ANKRD26: variants seen among roughly 807,000 people sequenced by gnomAD.
The protein encoded by ANKRD26 is ankyrin repeat domain 26, also known as ankyrin repeat domain-containing protein 26.
In ANKRD26, 141 loss-of-function variants were observed where a neutral mutation model predicts 208.7. The ratio of observed to expected loss-of-function variants is 0.68; its 90% CI spans 0.59 to 0.78. The LOEUF is 0.78. ANKRD26 is among the 30% of genes least tolerant of loss of function. ANKRD26 has a pLI of 0.00. For synonymous variants in ANKRD26, 636 were observed against 660.4 expected (o/e 0.96, Z 0.57); for missense variants, 1,889 against 1,938.7 (o/e 0.97, Z 0.48).
At chr10:27,087,742 G>A (rs1589369098) in intron 4 of ANKRD26, among the ~76,000 whole-genome samples, 1 of 152,232 alleles carries the variant, frequency 6.6e-6, no homozygotes, top group East Asian at 1.9e-4. Context: ...TTAGAACGGT[G>A]CTTAATCTTC....
At chr10:26,953,898 A>G in the ANKRD26 span, among the ~76,000 whole-genome samples, 2 of 152,228 alleles carry the variant, frequency 1.3e-5, no homozygotes, top group Non-Finnish European at 2.9e-5. Context: ...AGCAGTACAA[A>G]ATTATAACTA....
downstream of ANKRD26, among the ~76,000 whole-genome samples, chr10:27,001,327 T>C (rs529464680): frequency 2.7e-4 from 41 of 152,206 alleles, no homozygotes; most frequent in Middle Eastern, 3.4e-3. Flanking sequence ...CTGAGGTTCA[T>C]TGTCTCATGC....
chr10:27,029,162 G>A, intron 26 of ANKRD26, 124 bp downstream of exon 26: 2 of 1,243,902 alleles, frequency 1.6e-6, no homozygotes, highest in Non-Finnish European at 2.3e-6. Flanking sequence ...ATTGCTTAAT[G>A]CTGAAATTTT....
chr10:27,077,401 ATAGG>A lies in ANKRD26; in HGVS notation c.1010_1013del (p.Thr337IlefsTer15), dbSNP rs1314953422. On this transcript the variant is annotated frameshift_variant, in exon 9 of 34. Transcript: ENST00000376087. LOFTEE classifies it high-confidence loss of function. ...GTTTTGGAAGAAGGTCAGGTGATTG[ATAGG>A]TAGGATGAGAAAAGCACTGGACTTT... The A allele has an allele frequency of 1.9e-6, 3 of 1,613,948 alleles. No individual in the cohort carries two copies. Among genetic ancestry groups the A allele is most frequent in the Admixed American group, 3.3e-5 (2 of 59,998 alleles).
intron 5 of ANKRD26, among the ~76,000 whole-genome samples, chr10:27,084,890 A>T (rs1181535249): frequency 6.8e-6 from 1 of 148,038 alleles, no homozygotes; most frequent in Non-Finnish European, 1.5e-5. Flanking sequence ...AAAAAAAAAA[A>T]TTTCTGTACT....
chr10:27,071,158 C>CTTTTTTTTT (rs1564411968), intron 9 of ANKRD26, among the ~76,000 whole-genome samples: 1 of 128,728 alleles, frequency 7.8e-6, no homozygotes. Context: ...TTGCTACATT[C>CTTTTTTTTT]ATTTTTTTTT....
chr10:26,989,851 G>T (rs2052454641), downstream of ANKRD26, among the ~76,000 whole-genome samples: 1 of 152,130 alleles, frequency 6.6e-6, no homozygotes, highest in African/African-American at 2.4e-5. Flanking sequence ...GGAAGGAACA[G>T]ATCTTGTCCA....
Position 27,100,167 on chromosome 10 carries a change from C to G in ANKRD26, c.160G>C (p.Ala54Pro), listed in dbSNP as rs765097523. 6.2e-7 allele frequency: 1 copy of G among 1,614,148 alleles called. No homozygotes were observed. The highest frequency in any genetic ancestry group is 8.5e-7 in the Non-Finnish European group (1 of 1,179,978). ...ACTTTCGCCACATTACCCGCGCTGGCAGCTTTGTGGATCTTGCCGAGATCT... is the reference window on the plus strand; with the variant it reads ...ACTTTCGCCACATTACCCGCGCTGGGAGCTTTGTGGATCTTGCCGAGATCT... ...DRDLGKIHKA[A>P]SAGNVAKVQQ... Residue 54 changes from alanine to proline, a missense_variant, in exon 1 of 34, where the codon GCC (alanine) becomes CCC (proline). By Grantham distance (27) the Ala-to-Pro change is conservative. Coordinates refer to ENST00000376087, the MANE Select transcript of ANKRD26 (RefSeq NM_014915.3).
chr10:27,060,142 GC>G (rs2054998617), intron 15 of ANKRD26, among the ~76,000 whole-genome samples: 1 of 152,162 alleles, frequency 6.6e-6, no homozygotes. Flanking sequence ...GGCGGAGGTT[GC>G]AGTGAGCCGA....
At chr10:26,996,569 G>C (rs2052597976) in intron 4 of ANKRD26, among the ~76,000 whole-genome samples, 1 of 152,120 alleles carries the variant, frequency 6.6e-6, no homozygotes, top group South Asian at 2.1e-4. Context: ...AAGAAAAAGA[G>C]TCTTCATTCT....
At position 27,061,208 on chromosome 10, in the gene ANKRD26, T is replaced by C. The variant is rs1308163561; in HGVS notation, c.1398A>G (p.Ser466=). The change falls in exon 13 of 34, where the codon TCA becomes TCG. Residue 466 remains serine, a synonymous_variant. Transcript: ENST00000376087. ...VFYIPSCMSG[S]RNFKMAKLED... is the part of the protein sequence containing the mutation. ...CTAGTTTAGCCATCTTAAAGTTTCT[T>C]GATCCACTCATGCAAGAAGGTATAT... is the stretch of plus-strand genomic sequence containing the variant. 3 of 1,611,488 alleles carry C rather than the reference T, an allele frequency of 1.9e-6. No individual in the cohort carries two copies. Among genetic ancestry groups the C allele is most frequent in the Non-Finnish European group, 2.5e-6 (3 of 1,177,956 alleles).
the ANKRD26 span, among the ~76,000 whole-genome samples, chr10:26,949,935 A>G: frequency 2.0e-5 from 3 of 152,162 alleles, no homozygotes; most frequent in African/African-American, 7.2e-5. Flanking sequence ...TTCACTTACA[A>G]TCTATTGGTT....
chr10:27,049,531 G>T (rs1274529351), intron 16 of ANKRD26, among the ~76,000 whole-genome samples: 2 of 152,122 alleles, frequency 1.3e-5, no homozygotes, highest in East Asian at 1.9e-4. Context: ...CAGAAACCAA[G>T]GTTTGCCACA....
chr10:26,963,281 A>T, the ANKRD26 span, among the ~76,000 whole-genome samples: 2 of 152,044 alleles, frequency 1.3e-5, no homozygotes, highest in African/African-American at 4.8e-5. Context: ...TCCAAATTTT[A>T]CTTAACCTGA....
At chr10:27,077,176 G>A in intron 9 of ANKRD26, 162 bp downstream of exon 9, 1 of 638,984 alleles carries the variant, frequency 1.6e-6, no homozygotes, top group Non-Finnish European at 2.7e-6. Context: ...TTCATTTCAA[G>A]GATGCAGGGA....
chr10:27,065,547 A>G (rs2135481358), intron 11 of ANKRD26, among the ~76,000 whole-genome samples: 1 of 152,172 alleles, frequency 6.6e-6, no homozygotes, highest in African/African-American at 2.4e-5. Context: ...AGTACCCTGA[A>G]TATTTATTGT....
At chr10:27,053,241 T>G (rs1227871162) in intron 16 of ANKRD26, 79 bp downstream of exon 16, 7 of 1,035,518 alleles carry the variant, frequency 6.8e-6, no homozygotes, top group Non-Finnish European at 1.0e-5. Flanking sequence ...GTCTGAAAAG[T>G]AATTTCATTT....
downstream of ANKRD26, among the ~76,000 whole-genome samples, chr10:26,989,892 G>T (rs1036977964): frequency 3.3e-5 from 5 of 152,026 alleles, no homozygotes; most frequent in Non-Finnish European, 7.4e-5. Flanking sequence ...GTAAAGTGGG[G>T]GTGTAAATGG....
chr10:26,973,804 C>G (rs1485024958), downstream of ANKRD26, among the ~76,000 whole-genome samples: 1 of 151,792 alleles, frequency 6.6e-6, no homozygotes, highest in Non-Finnish European at 1.5e-5. Context: ...CAGGCACACA[C>G]CACCACGCCT....
Sources: allele counts gnomAD v4.1 joint callset (sites outside exome capture counted in the v4.1 genomes callset), GRCh38; gene constraint gnomAD v4.1.1; transcripts MANE v1.5; gene names NCBI Gene and HGNC (gene_info 2026-07-23, HGNC 2026-07-21).